The following RPRD2 variants were observed in gnomAD, a reference collection of about 807,000 sequenced individuals.
The protein encoded by RPRD2 is regulation of nuclear pre-mRNA domain-containing protein 2.
In RPRD2, 12 loss-of-function variants were observed where a neutral mutation model predicts 104.4. The observed-to-expected ratio is 0.11, with a 90% CI of 0.07 to 0.19. RPRD2 has a LOEUF of 0.19. Ranked by LOEUF, RPRD2 falls within the 10% of genes least tolerant of loss-of-function variation. The pLI, the probability that RPRD2 is intolerant of heterozygous loss-of-function variation, is 1.00. For synonymous variants in RPRD2, 714 were observed against 684.9 expected, an observed-to-expected ratio of 1.04 and a Z score of -0.66; for missense variants, 1,543 against 1,790.1, an observed-to-expected ratio of 0.86 and a Z score of 2.49.
At chr1:150,373,532 A>AATTTTTTTT (rs1572342696) in intron 1 of RPRD2, among the ~76,000 whole-genome samples, 1 of 44,942 alleles carries the variant, frequency 2.2e-5, no homozygotes, top group African/African-American at 8.7e-5. Context: ...ATCAAGAATG[A>AATTTTTTTT]CTTTTTTTTT....
At chr1:150,406,765 A>C (rs587704649) in intron 1 of RPRD2, among the ~76,000 whole-genome samples, 8 of 152,260 alleles carry the variant, frequency 5.3e-5, no homozygotes, top group Admixed American at 2.6e-4. Flanking sequence ...CCCAGACTGG[A>C]GTGCAATGGC....
At chr1:150,384,637 ATT>A (rs1553881478) in intron 1 of RPRD2, among the ~76,000 whole-genome samples, 1 of 97,288 alleles carries the variant, frequency 1.0e-5, no homozygotes, top group African/African-American at 4.1e-5. Context: ...CGCCTGGCTA[ATT>A]TGTGTGTGTG....
chr1:150,396,203 T>TG (rs1662509378), intron 1 of RPRD2, among the ~76,000 whole-genome samples: 1 of 151,950 alleles, frequency 6.6e-6, no homozygotes, highest in Non-Finnish European at 1.5e-5. Context: ...TGTGTGTTTT[T>TG]TTTTTTTTTT....
intron 2 of RPRD2, among the ~76,000 whole-genome samples, chr1:150,419,726 A>G (rs587620952): frequency 1.3e-5 from 2 of 152,234 alleles, no homozygotes; most frequent in South Asian, 4.1e-4. Context: ...GGTTCAAGCA[A>G]TTAGGCAATT....
chr1:150,367,590 T>TTAAA (rs1204567404), intron 1 of RPRD2, among the ~76,000 whole-genome samples: 2 of 134,242 alleles, frequency 1.5e-5, no homozygotes, highest in Non-Finnish European at 3.3e-5. Flanking sequence ...TAAGTAACTA[T>TTAAA]TAGATTCCAG....
rs1365856168 is a variant in RPRD2, at chr1:150,472,456, C to T, written c.3508C>T (p.Arg1170Trp). 4.3e-6 allele frequency: 7 copies of T among 1,613,828 alleles called. No individual in the cohort carries two copies. Among genetic ancestry groups the T allele is most frequent in the South Asian group, 2.2e-5 (2 of 91,092 alleles). The change falls in exon 11 of 11, where the codon CGG (arginine) becomes TGG (tryptophan). Residue 1170 changes from arginine to tryptophan, a missense_variant. By Grantham distance (101) the Arg-to-Trp change is moderately radical (BLOSUM62 -3). This residue lies in a region of RPRD2 where 880 missense variants were observed against 885.6 expected (regional missense o/e 0.99). Transcript: ENST00000369068. The stretch of plus-strand genomic sequence containing the variant: ...CTTTAAAACAGCACCATACAAGGAA[C>T]GGGCACCTCAATTTCAGGAGAGTGT... Reference protein sequence around the residue: ...TGFKTAPYKERAPQFQESVGS... With the variant: ...TGFKTAPYKEWAPQFQESVGS...
rs1386667358 is a variant in RPRD2, at chr1:150,475,187, A to C, written c.*1853A>C. ...GGATGGGGTATGTAGTGTAGCAAAG[A>C]AAAGAAAGTATAGTTATATTGAGTC... On this transcript the variant is annotated 3_prime_UTR_variant, in exon 11 of 11. Coordinates refer to ENST00000369068, the MANE Select transcript of RPRD2 (RefSeq NM_015203.5). 6.6e-6 allele frequency: 1 copy of C among 152,186 alleles called. No individual in the cohort carries two copies. The highest frequency in any genetic ancestry group is 2.1e-4 in the South Asian group (1 of 4,832). The allele number at this position is 152,186 out of a possible 1,614,324, so 9.4% of individuals were successfully genotyped here.
At chr1:150,439,216 A>G (rs1281425010) in intron 2 of RPRD2, among the ~76,000 whole-genome samples, 1 of 152,198 alleles carries the variant, frequency 6.6e-6, no homozygotes, top group African/African-American at 2.4e-5. Flanking sequence ...GATTTACAAG[A>G]TAACAATTTC....
At chr1:150,387,566 CCTTTTTTTTTTTTTT>C (rs1661666379) in intron 1 of RPRD2, among the ~76,000 whole-genome samples, 3 of 70,116 alleles carry the variant, frequency 4.3e-5, no homozygotes, top group Non-Finnish European at 5.9e-5. Flanking sequence ...TTGCAACAGA[CCTTTTTTTTTTTTTT>C]TTTTTTTTTT....
chr1:150,458,050 C>T (rs1667657916), intron 8 of RPRD2, among the ~76,000 whole-genome samples: 1 of 152,046 alleles, frequency 6.6e-6, no homozygotes, highest in African/African-American at 2.4e-5. Context: ...GTCTGGGAGA[C>T]AGAGCGAGAC....
intron 2 of RPRD2, among the ~76,000 whole-genome samples, chr1:150,424,761 C>A (rs781918452): frequency 6.6e-6 from 1 of 152,124 alleles, no homozygotes; most frequent in South Asian, 2.1e-4. Flanking sequence ...ATCTAACTTA[C>A]AATTTTTTAT....
At chr1:150,423,616 G>C (rs1420499943) in intron 2 of RPRD2, among the ~76,000 whole-genome samples, 1 of 151,878 alleles carries the variant, frequency 6.6e-6, no homozygotes, top group Non-Finnish European at 1.5e-5. Flanking sequence ...TAATGAGCTT[G>C]GTACCAGTTA....
chr1:150,465,218 C>A (rs1475393281), intron 10 of RPRD2, among the ~76,000 whole-genome samples: 3 of 151,908 alleles, frequency 2.0e-5, no homozygotes, highest in African/African-American at 4.8e-5. Flanking sequence ...GGCCCAATCT[C>A]AGCTCACTGC....
chr1:150,384,438 A>AGGC (rs201705952), intron 1 of RPRD2, among the ~76,000 whole-genome samples: 3,644 of 131,064 alleles, frequency 0.028, 157 homozygotes, highest in African/African-American at 0.1. Flanking sequence ...AAGGAATAAA[A>AGGC]GGCATCATCA....
intron 9 of RPRD2, among the ~76,000 whole-genome samples, chr1:150,461,392 A>T (rs1365563630): frequency 2.0e-5 from 3 of 152,262 alleles, no homozygotes; most frequent in African/African-American, 7.2e-5. Context: ...TATTGCATAT[A>T]CTGTTTCAAA....
In RPRD2 at chr1:150,457,542, T is replaced by A; in HGVS notation, c.1125T>A (p.Asp375Glu). Residue 375 changes from aspartate to glutamate, a missense_variant, in exon 8 of 11, where the codon GAT becomes GAA. Physicochemically the swap from Asp to Glu is conservative, Grantham distance 45. Around this residue, in one of 4 missense-constraint regions of RPRD2, gnomAD observed 572 missense variants for 787.3 expected, o/e 0.73. Coordinates refer to ENST00000369068, the MANE Select transcript of RPRD2 (RefSeq NM_015203.5). The part of the protein sequence containing the change: ...NRDVEDMELS[D>E]VEDDGSKIIV... ...ATGTGGAAGACATGGAACTCTCAGATGTGGAAGATGATGGGTCAAAAATCA... is the reference window on the plus strand; with the variant it reads ...ATGTGGAAGACATGGAACTCTCAGAAGTGGAAGATGATGGGTCAAAAATCA... 6.2e-7 allele frequency: 1 copy of A among 1,613,912 alleles called. No individual in the cohort carries two copies. The highest frequency in any genetic ancestry group is 1.1e-5 in the South Asian group (1 of 91,080).
At chr1:150,445,639 A>G (rs2102368658) in intron 6 of RPRD2, among the ~76,000 whole-genome samples, 1 of 152,286 alleles carries the variant, frequency 6.6e-6, no homozygotes, top group African/African-American at 2.4e-5. Context: ...TTAATCAACA[A>G]ACTCTTTTAG....
chr1:150,476,491 A>C lies in RPRD2; in HGVS notation c.*3157A>C, dbSNP rs1251489201. ...TCGGTGTGGAAAACAAAACAAGTAC[A>C]TGCTTTAGAAGCAACAACAATGAAA... On this transcript the variant is annotated 3_prime_UTR_variant, in exon 11 of 11. Transcript: ENST00000369068. 1 of 152,234 alleles carries C rather than the reference A, an allele frequency of 6.6e-6. No homozygotes were observed. Among genetic ancestry groups the C allele is most frequent in the East Asian group, 1.9e-4 (1 of 5,204 alleles). 9.4% of individuals were successfully genotyped at this position (152,234 alleles called of 1,614,324 possible). A position where few individuals can be genotyped will look rare whatever the true frequency, so the allele number is the denominator to read the frequency against.
At chr1:150,452,661 C>CTTTTTTTTTTTTTTTTTTTTTTT (rs782322743) in intron 7 of RPRD2, among the ~76,000 whole-genome samples, 2 of 71,222 alleles carry the variant, frequency 2.8e-5, no homozygotes, top group African/African-American at 5.7e-5. Flanking sequence ...GACATATCCC[C>CTTTTTTTTTTTTTTTTTTTTTTT]TTTTTTTTTT....
Sources: allele counts gnomAD v4.1 joint callset (sites outside exome capture counted in the v4.1 genomes callset), GRCh38; gene constraint gnomAD v4.1.1; regional missense constraint gnomAD v4.1.1; transcripts MANE v1.5; gene names NCBI Gene and HGNC (gene_info 2026-07-23, HGNC 2026-07-21).